NYAP2: variants seen among roughly 807,000 people sequenced by gnomAD.
NYAP2 encodes neuronal tyrosine-phosphorylated phosphoinositide-3-kinase adapter 2.
NYAP2 carries 23 observed loss-of-function variants against 50.4 expected under a neutral mutation model. The ratio of observed to expected loss-of-function variants is 0.46; its 90% CI spans 0.33 to 0.65. The LOEUF (loss-of-function observed/expected upper bound fraction) is 0.65. Among genes scored for constraint, NYAP2 ranks in the 30% least tolerant of loss-of-function variants. The pLI is 0.02. For synonymous variants in NYAP2, 394 were observed against 365.2 expected (o/e 1.08, Z -0.90); for missense variants, 885 against 861.0 (o/e 1.03, Z -0.35).
At chr2:225,551,477 A>G (rs1691674527) in intron 4 of NYAP2, among the ~76,000 whole-genome samples, 1 of 152,216 alleles carries the variant, frequency 6.6e-6, no homozygotes, top group Admixed American at 6.5e-5. Context: ...GCTATACCAC[A>G]TGGAGCAGAA....
intron 3 of NYAP2, among the ~76,000 whole-genome samples, chr2:225,431,167 A>T (rs895253595): frequency 3.9e-5 from 6 of 152,198 alleles, no homozygotes; most frequent in Admixed American, 6.5e-5. Context: ...GAAAATTATG[A>T]TGAAACTATA....
intron 3 of NYAP2, among the ~76,000 whole-genome samples, chr2:225,511,267 T>G (rs1250865169): frequency 6.6e-6 from 1 of 151,736 alleles, no homozygotes; most frequent in Non-Finnish European, 1.5e-5. Flanking sequence ...ATTCTTCATT[T>G]TTCACAAACC....
chr2:225,655,598 T>A (rs147924085), downstream of NYAP2, among the ~76,000 whole-genome samples: 3 of 152,316 alleles, frequency 2.0e-5, no homozygotes, highest in Non-Finnish European at 2.9e-5. Context: ...ATGTGAATGC[T>A]CTTAGACACA....
At chr2:225,702,568 G>C in the NYAP2 span, 1 of 151,490 alleles carries the variant, frequency 6.6e-6, no homozygotes, top group East Asian at 1.9e-4. Context: ...TAATGTCTAA[G>C]TATAGAATAT....
intron 4 of NYAP2, among the ~76,000 whole-genome samples, chr2:225,571,849 C>A (rs920922217): frequency 2.0e-5 from 3 of 152,166 alleles, no homozygotes; most frequent in African/African-American, 7.2e-5. Flanking sequence ...TTTTTCTTTT[C>A]TGTTGCATTG....
intron 5 of NYAP2, among the ~76,000 whole-genome samples, chr2:225,603,123 G>A (rs1692720894): frequency 6.6e-6 from 1 of 152,092 alleles, no homozygotes; most frequent in African/African-American, 2.4e-5. Context: ...AAAGTTTTCA[G>A]TGTATAAGTC....
intron 3 of NYAP2, among the ~76,000 whole-genome samples, chr2:225,467,278 T>G (rs1358121259): frequency 2.0e-5 from 3 of 152,208 alleles, no homozygotes; most frequent in Non-Finnish European, 4.4e-5. Context: ...GAGATCTTCT[T>G]ATCCGGAAGC....
intron 2 of NYAP2, among the ~76,000 whole-genome samples, chr2:225,406,108 A>T (rs560591984): frequency 6.7e-6 from 1 of 148,304 alleles, no homozygotes; most frequent in South Asian, 2.1e-4. Flanking sequence ...TCCAACCACT[A>T]TTTTTTTTTT....
At chr2:225,558,501 T>A (rs1174692966) in intron 4 of NYAP2, among the ~76,000 whole-genome samples, 2 of 152,178 alleles carry the variant, frequency 1.3e-5, no homozygotes, top group Non-Finnish European at 2.9e-5. Flanking sequence ...CACATTCTCA[T>A]GTCGCATCTT....
chr2:225,643,134 A>G (rs866347825), intron 6 of NYAP2, among the ~76,000 whole-genome samples: 22 of 152,258 alleles, frequency 1.4e-4, no homozygotes, highest in Middle Eastern at 3.4e-3. Context: ...CAAAGAATCA[A>G]TGAGTAGAAC....
the NYAP2 span, among the ~76,000 whole-genome samples, chr2:225,662,185 G>A: frequency 6.6e-6 from 1 of 152,198 alleles, no homozygotes; most frequent in African/African-American, 2.4e-5. Context: ...TGCCAACCAA[G>A]AGCAAAATCT....
exon 7 of NYAP2, chr2:225,651,528 A>G (rs775840749): frequency 6.2e-7 from 1 of 1,614,010 alleles, no homozygotes; most frequent in East Asian, 2.2e-5. Context: ...GACCTGCAAC[A>G]GAGCCAGGTA....
At chr2:225,447,823 C>A (rs77226726) in intron 3 of NYAP2, among the ~76,000 whole-genome samples, 1 of 152,138 alleles carries the variant, frequency 6.6e-6, no homozygotes, top group South Asian at 2.1e-4. Context: ...GCAATTTGAA[C>A]TTATAGCTCC....
At chr2:225,596,127 C>T (rs1692592464) in intron 5 of NYAP2, among the ~76,000 whole-genome samples, 1 of 152,106 alleles carries the variant, frequency 6.6e-6, no homozygotes, top group African/African-American at 2.4e-5. Flanking sequence ...CAACTTCTGG[C>T]CTCAAGCAAT....
At chr2:225,595,396 A>G (rs1692578832) in intron 5 of NYAP2, among the ~76,000 whole-genome samples, 1 of 152,222 alleles carries the variant, frequency 6.6e-6, no homozygotes, top group Non-Finnish European at 1.5e-5. Flanking sequence ...AGTAGCCTGC[A>G]ACAGAATGAT....
chr2:225,651,520 C>A lies in NYAP2; in HGVS notation c.1917C>A (p.Asp639Glu), dbSNP rs746396854. The A allele has an allele frequency of 9.9e-6, 16 of 1,613,880 alleles. No individual in the cohort carries two copies. In the South Asian group the frequency reaches 1.4e-4, roughly 14 times the overall value. The stretch of plus-strand genomic sequence containing the variant: ...TCACTCCCCTCAGGCAAAGCAGTGA[C>A]CTGCAACAGAGCCAGGTACCATCAT... Residue 639 changes from aspartate to glutamate, a missense_variant, in exon 7 of 7, where the codon GAC (aspartate) becomes GAA (glutamate). By Grantham distance (45) the Asp-to-Glu change is conservative. Transcript: ENST00000636099.
intron 6 of NYAP2, among the ~76,000 whole-genome samples, chr2:225,636,125 A>G (rs1360950231): frequency 6.6e-6 from 1 of 152,198 alleles, no homozygotes; most frequent in Non-Finnish European, 1.5e-5. Flanking sequence ...AAAACAACCA[A>G]TTATTCCAAA....
chr2:225,546,422 C>T (rs1005559657), intron 4 of NYAP2, among the ~76,000 whole-genome samples: 1 of 152,146 alleles, frequency 6.6e-6, no homozygotes, highest in Non-Finnish European at 1.5e-5. Flanking sequence ...CCATTCTTCC[C>T]TTTCCTTCCC....
chr2:225,407,171 T>C (rs1694955442), intron 2 of NYAP2, among the ~76,000 whole-genome samples: 1 of 152,018 alleles, frequency 6.6e-6, no homozygotes. Context: ...ACAATGGCAA[T>C]GCTTTAGCTC....
Sources: gnomAD v4.1 joint callset for allele counts (sites outside exome capture counted in the v4.1 genomes callset) on GRCh38, gnomAD v4.1.1 for gene constraint, MANE v1.5 for transcripts, NCBI Gene and HGNC (gene_info 2026-07-23, HGNC 2026-07-21) for gene names.